The following SH3BP2 variants were observed in gnomAD, a reference collection of about 807,000 sequenced individuals.
SH3BP2 encodes SH3 domain-binding protein 2.
Under a neutral mutation model 56.2 loss-of-function variants are expected in SH3BP2, and 38 were observed. The observed-to-expected ratio is 0.68, with a 90% confidence interval of 0.52 to 0.89. The LOEUF is 0.89. SH3BP2 is among the 40% of genes least tolerant of loss of function. SH3BP2 has a pLI of 0.00. For missense variants in SH3BP2, 748 were observed against 762.6 expected, an observed-to-expected ratio of 0.98 and a Z score of 0.23; for synonymous variants, 346 against 316.7, an observed-to-expected ratio of 1.09 and a Z score of -0.98.
intron 1 of SH3BP2, among the ~76,000 whole-genome samples, chr4:2,809,521 G>A (rs944327279): frequency 1.3e-5 from 2 of 152,188 alleles, no homozygotes; most frequent in Admixed American, 6.5e-5. Context: ...GCTGGGTACA[G>A]GGTCCCTGGG....
rs540026663 is a variant in SH3BP2 at position 2,838,261 on chromosome 4, C to T, written c.*4427C>T. 6.6e-6 allele frequency: 1 copy of T among 152,408 alleles called. No individual in the cohort carries two copies. Among genetic ancestry groups the T allele is most frequent in the Non-Finnish European group, 1.5e-5 (1 of 68,068 alleles). 9.4% of individuals were successfully genotyped at this position (152,408 alleles called of 1,614,324 possible). A position where few individuals can be genotyped will look rare whatever the true frequency, so the allele number is the denominator to read the frequency against. On this transcript the variant is annotated 3_prime_UTR_variant, in exon 13 of 13. Coordinates refer to ENST00000503393, the MANE Select transcript of SH3BP2 (RefSeq NM_001122681.2). Reference sequence around the variant, plus strand: ...CCCAAGTGCCCTCCCCTCACAGTGTCACTTCCGGCCTCTCTGCCCTGGCTT... The same window carrying T: ...CCCAAGTGCCCTCCCCTCACAGTGTTACTTCCGGCCTCTCTGCCCTGGCTT...
chr4:2,808,421 C>T (rs1032209085), intron 1 of SH3BP2, among the ~76,000 whole-genome samples: 2 of 152,194 alleles, frequency 1.3e-5, no homozygotes, highest in African/African-American at 4.8e-5. Context: ...AGGTCGTGTT[C>T]ACAGGTTCTG....
intron 1 of SH3BP2, among the ~76,000 whole-genome samples, chr4:2,799,861 A>G (rs959427333): frequency 4.6e-5 from 7 of 152,162 alleles, no homozygotes; most frequent in Admixed American, 2.6e-4. Flanking sequence ...GGCTGTGTGA[A>G]AGACACCCTG....
chr4:2,803,975 G>A (rs1290436107), intron 1 of SH3BP2, among the ~76,000 whole-genome samples: 1 of 152,152 alleles, frequency 6.6e-6, no homozygotes, highest in Non-Finnish European at 1.5e-5. Context: ...GTGCCTGAGT[G>A]CCTCCCCTGT....
At chr4:2,794,723 G>C (rs1457936885) in intron 1 of SH3BP2, among the ~76,000 whole-genome samples, 4 of 152,230 alleles carry the variant, frequency 2.6e-5, no homozygotes, top group African/African-American at 9.6e-5. Context: ...GCCCACCAAG[G>C]AGGCTGGCCT....
chr4:2,815,710 T>C (rs1325621310), intron 1 of SH3BP2, among the ~76,000 whole-genome samples: 1 of 152,226 alleles, frequency 6.6e-6, no homozygotes, highest in Admixed American at 6.5e-5. Context: ...GGGGCTCTGT[T>C]TCAGCTTCCT....
At chr4:2,833,676 C>A (rs903951587) in intron 12 of SH3BP2, 21 bp from the exon 13 acceptor site, 1 of 1,606,556 alleles carries the variant, frequency 6.2e-7, no homozygotes, top group East Asian at 2.2e-5. Flanking sequence ...TGCTGACGCT[C>A]CCCCTTCTCT....
rs1725151383 is a variant in SH3BP2 at position 2,834,157 on chromosome 4, T to A, written c.*323T>A. 5 of 282,854 alleles carry A rather than the reference T, an allele frequency of 1.8e-5. No homozygotes were observed. The highest frequency in any genetic ancestry group is 1.1e-4 in the African/African-American group (5 of 45,964). 17.5% of individuals were successfully genotyped at this position (282,854 alleles called of 1,614,324 possible). On this transcript the variant is annotated 3_prime_UTR_variant, in exon 13 of 13. Coordinates refer to ENST00000503393, the MANE Select transcript of SH3BP2 (RefSeq NM_001122681.2). ...CTGGTCCCCCCATCACACTCACCCC[T>A]AAGTGGGCTGGGAGCCAGGCAGGGC...
chr4:2,808,112 C>CTT lies in SH3BP2; in HGVS notation c.-4-12501_-4-12500insTT, dbSNP rs34243963. ...GGGGCCTGAAAACAACAGAAATTTACTCTCATGATTCTGGAGGCCAGAAGT... is the reference window on the plus strand; with the variant it reads ...GGGGCCTGAAAACAACAGAAATTTACTTTCTCATGATTCTGGAGGCCAGAAGT... On this transcript the variant is annotated intron_variant, in intron 1 of 12. Transcript: ENST00000503393. Among the ~76,000 whole-genome samples, 3 of 9,614 alleles carry CTT rather than the reference C, an allele frequency of 3.1e-4. No individual in the cohort carries two copies. The African/African-American group carries it at 0.019, about 62-fold the overall frequency. The allele number at this position is 9,614 out of a possible 152,430, so 6.3% of individuals were successfully genotyped here.
chr4:2,807,996 T>A (rs963442674), intron 1 of SH3BP2, among the ~76,000 whole-genome samples: 1 of 152,140 alleles, frequency 6.6e-6, no homozygotes, highest in Admixed American at 6.5e-5. Flanking sequence ...TCAGACTAAG[T>A]GGAGCCTGCA....
At chr4:2,795,031 C>T (rs4690061) in intron 1 of SH3BP2, among the ~76,000 whole-genome samples, 1,618 of 152,300 alleles carry the variant, frequency 0.011, 48 homozygotes, top group East Asian at 0.067. Flanking sequence ...GCCACCCCTC[C>T]GTTTTCTCAT....
chr4:2,797,864 C>T (rs771049535), intron 1 of SH3BP2, among the ~76,000 whole-genome samples: 2 of 152,212 alleles, frequency 1.3e-5, no homozygotes, highest in East Asian at 1.9e-4. Flanking sequence ...GGGCAACGGG[C>T]GGGCTGTGCC....
Position 2,823,005 on chromosome 4 carries a change from G to T in SH3BP2, c.207G>T (p.Pro69=), listed in dbSNP as rs1017260878. 6.2e-7 allele frequency: 1 copy of T among 1,613,960 alleles called. No homozygotes were observed. The highest frequency in any genetic ancestry group is 8.5e-7 in the Non-Finnish European group (1 of 1,179,910). ...TCAAGAGTAGCACCTCTGCCTCCCC[G>T]CAGGGCGCCTTCTCCCTGAGTGGCT... ...YYFKSSTSAS[P]QGAFSLSGYN... Residue 69 remains proline, a synonymous_variant, in exon 3 of 13, where the codon CCG becomes CCT. Coordinates refer to ENST00000503393, the MANE Select transcript of SH3BP2 (RefSeq NM_001122681.2).
chr4:2,809,726 C>T (rs571519658), intron 1 of SH3BP2: 17 of 925,732 alleles, frequency 1.8e-5, no homozygotes, highest in African/African-American at 7.1e-5. Flanking sequence ...TACTCCTGAG[C>T]GGGCTGAAGG....
chr4:2,836,362 A>C lies in SH3BP2; in HGVS notation c.*2528A>C, dbSNP rs1725233262. 6.6e-6 allele frequency: 1 copy of C among 152,194 alleles called. No individual in the cohort carries two copies. The highest frequency in any genetic ancestry group is 2.4e-5 in the African/African-American group (1 of 41,440). The allele number at this position is 152,194 out of a possible 1,614,324, so 9.4% of individuals were successfully genotyped here. ...ACTTGCCATAAGTGTTCTAGTCCAC[A>C]TATAAGGGTAGGGTTGGGATTACCA... On this transcript the variant is annotated 3_prime_UTR_variant, in exon 13 of 13. Coordinates refer to ENST00000503393, the MANE Select transcript of SH3BP2 (RefSeq NM_001122681.2).
chr4:2,830,666 A>G (rs1724937042), intron 8 of SH3BP2, among the ~76,000 whole-genome samples: 1 of 152,216 alleles, frequency 6.6e-6, no homozygotes, highest in East Asian at 1.9e-4. Context: ...TCCTGCTGAA[A>G]TGCTTTCTGC....
chr4:2,815,711 T>A (rs1723963897), intron 1 of SH3BP2, among the ~76,000 whole-genome samples: 1 of 152,216 alleles, frequency 6.6e-6, no homozygotes, highest in African/African-American at 2.4e-5. Context: ...GGGCTCTGTT[T>A]CAGCTTCCTG....
chr4:2,814,439 A>G (rs1004603274), intron 1 of SH3BP2, among the ~76,000 whole-genome samples: 2 of 152,214 alleles, frequency 1.3e-5, no homozygotes, highest in African/African-American at 4.8e-5. Flanking sequence ...GGAGATGAGC[A>G]CAGAAACAGA....
rs1386024699 is a variant in SH3BP2 at position 2,836,365 on chromosome 4, T to C, written c.*2531T>C. On this transcript the variant is annotated 3_prime_UTR_variant, in exon 13 of 13. Coordinates refer to ENST00000503393, the MANE Select transcript of SH3BP2 (RefSeq NM_001122681.2). ...TGCCATAAGTGTTCTAGTCCACATA[T>C]AAGGGTAGGGTTGGGATTACCATTT... 3 of 152,158 alleles carry C rather than the reference T, an allele frequency of 2.0e-5. No individual in the cohort carries two copies. Among genetic ancestry groups the C allele is most frequent in the East Asian group, 3.9e-4 (2 of 5,188 alleles). The allele number at this position is 152,158 out of a possible 1,614,324, so 9.4% of individuals were successfully genotyped here. A position where few individuals can be genotyped will look rare whatever the true frequency, so the allele number is the denominator to read the frequency against.
Sources: allele counts gnomAD v4.1 joint callset (sites outside exome capture counted in the v4.1 genomes callset), GRCh38; gene constraint gnomAD v4.1.1; transcripts MANE v1.5; gene names NCBI Gene and HGNC (gene_info 2026-07-23, HGNC 2026-07-21).